The following MAST2 variants were observed in gnomAD, a reference collection of about 807,000 sequenced individuals.
The protein encoded by MAST2 is microtubule-associated serine/threonine-protein kinase 2.
Under a neutral mutation model 147.4 loss-of-function variants are expected in MAST2, and 70 were observed. The observed-to-expected ratio is 0.47, with a 90% confidence interval of 0.39 to 0.58. The LOEUF is 0.58. Among genes scored for constraint, MAST2 ranks in the 20% least tolerant of loss-of-function variants. MAST2 has a pLI of 0.00. For synonymous variants in MAST2, 869 were observed against 896.8 expected (o/e 0.97, Z 0.55); for missense variants, 2,080 against 2,302.3 (o/e 0.90, Z 1.98).
intron 5 of MAST2, among the ~76,000 whole-genome samples, chr1:45,970,994 G>A (rs1643894416): frequency 6.6e-6 from 1 of 151,984 alleles, no homozygotes; most frequent in Non-Finnish European, 1.5e-5. Context: ...CATCAGTCTA[G>A]GCCCAATCAG....
chr1:45,829,453 C>G lies in MAST2; in HGVS notation c.340C>G (p.Pro114Ala), dbSNP rs752883369. 12 of 1,611,288 alleles carry G rather than the reference C, an allele frequency of 7.4e-6. No individual in the cohort carries two copies. In the Admixed American group the frequency reaches 1.0e-4, roughly 14 times the overall value. Residue 114 changes from proline (P) to alanine (A), a missense_variant, in exon 3 of 29, where the codon CCT (proline) becomes GCT (alanine). Physicochemically the swap from Pro to Ala is conservative, Grantham distance 27 (BLOSUM62 -1). Coordinates refer to ENST00000361297, the MANE Select transcript of MAST2 (RefSeq NM_015112.3). ...ASSLSGKQLL[P>A]LSSSVHSSVG... Reference sequence around the variant, plus strand: ...TGTATTTGAAGGTAAGCAGCTGCTCCCTTTGTCCAGCAGTGTACATAGCAG... The same window carrying G: ...TGTATTTGAAGGTAAGCAGCTGCTCGCTTTGTCCAGCAGTGTACATAGCAG...
At chr1:45,914,876 G>A (rs1320890073) in intron 4 of MAST2, among the ~76,000 whole-genome samples, 1 of 152,142 alleles carries the variant, frequency 6.6e-6, no homozygotes, top group African/African-American at 2.4e-5. Context: ...AAGGTCACTT[G>A]TTAACAAAAT....
chr1:46,029,985 G>T (rs764048520), intron 20 of MAST2, 32 bp downstream of exon 20: 2 of 1,612,736 alleles, frequency 1.2e-6, no homozygotes, highest in Non-Finnish European at 1.7e-6. Context: ...GTGGAGGATG[G>T]GTCCTACCTG....
At chr1:45,975,620 C>T (rs1228095170) in intron 5 of MAST2, among the ~76,000 whole-genome samples, 13 of 149,416 alleles carry the variant, frequency 8.7e-5, no homozygotes, top group Admixed American at 4.7e-4. Context: ...TGCAGTAAGC[C>T]GCGGTCACGC....
chr1:45,904,658 A>AT (rs1650366130), intron 4 of MAST2, among the ~76,000 whole-genome samples: 1 of 149,568 alleles, frequency 6.7e-6, no homozygotes, highest in Admixed American at 6.7e-5. Context: ...TAAAGATGGG[A>AT]TTTTGCCATA....
rs369887811 is a variant in MAST2 at position 45,871,978 on chromosome 1, C to T, written c.469-10386C>T. ...CTCTGGGCTCAAGTGATCCTCCCAC[C>T]GTGGCCTCCCAAAGTGTTGGGATTA... On this transcript the variant is annotated intron_variant, in intron 3 of 28. Coordinates refer to ENST00000361297, the MANE Select transcript of MAST2 (RefSeq NM_015112.3). Among the ~76,000 whole-genome samples the T allele has an allele frequency of 3.9e-4, 59 of 152,320 alleles. 1 individual carries two copies. In the South Asian group the frequency reaches 0.011, roughly 29 times the overall value.
At chr1:45,972,804 C>G (rs1225648011) in intron 5 of MAST2, among the ~76,000 whole-genome samples, 1 of 152,186 alleles carries the variant, frequency 6.6e-6, no homozygotes, top group African/African-American at 2.4e-5. Context: ...TCAGCAAGAT[C>G]TGTCTCGTAA....
At chr1:45,909,296 C>T (rs1487844429) in intron 4 of MAST2, among the ~76,000 whole-genome samples, 1 of 152,038 alleles carries the variant, frequency 6.6e-6, no homozygotes, top group East Asian at 1.9e-4. Flanking sequence ...TCATTTAAGG[C>T]TTTATCATAG....
chr1:45,942,078 TCAGGGACC>T (rs1348768313), intron 4 of MAST2, among the ~76,000 whole-genome samples: 1 of 152,194 alleles, frequency 6.6e-6, no homozygotes, highest in Non-Finnish European at 1.5e-5. Context: ...TGAAAGAGTC[TCAGGGACC>T]CCAAGAGGTT....
At chr1:45,835,040 T>C (rs1436269208) in intron 3 of MAST2, among the ~76,000 whole-genome samples, 2 of 152,096 alleles carry the variant, frequency 1.3e-5, no homozygotes, top group Middle Eastern at 3.4e-3. Context: ...CTACTGGAAA[T>C]CTAAAAAGCC....
intron 4 of MAST2, among the ~76,000 whole-genome samples, chr1:45,909,020 A>C (rs1044795610): frequency 3.3e-5 from 5 of 152,214 alleles, no homozygotes; most frequent in Non-Finnish European, 7.3e-5. Context: ...GAAGTTTGCC[A>C]ATCTTTAGGT....
At chr1:45,890,265 G>A (rs756791215) in intron 4 of MAST2, among the ~76,000 whole-genome samples, 1 of 152,140 alleles carries the variant, frequency 6.6e-6, no homozygotes, top group Admixed American at 6.5e-5. Flanking sequence ...GCCTTTTCCC[G>A]TTGTGTAGTA....
At chr1:45,920,977 C>T (rs569449651) in intron 4 of MAST2, among the ~76,000 whole-genome samples, 21 of 152,230 alleles carry the variant, frequency 1.4e-4, no homozygotes, top group Admixed American at 1.2e-3. Context: ...GTATCTTACT[C>T]CAATGTCTGT....
At chr1:45,934,787 T>C (rs1655936418) in intron 4 of MAST2, among the ~76,000 whole-genome samples, 1 of 152,226 alleles carries the variant, frequency 6.6e-6, no homozygotes, top group Non-Finnish European at 1.5e-5. Context: ...ATATTTTCTT[T>C]ATTCAGTCCT....
At chr1:46,032,538 C>T (rs1276550868) in intron 25 of MAST2, 58 bp from the exon 26 acceptor site, 18 of 1,603,602 alleles carry the variant, frequency 1.1e-5, no homozygotes, top group East Asian at 1.1e-4. Flanking sequence ...TGTCCAGAAC[C>T]AGGCCCCATA....
chr1:45,987,973 T>C (rs1175599283), intron 5 of MAST2, among the ~76,000 whole-genome samples: 1 of 151,838 alleles, frequency 6.6e-6, no homozygotes, highest in Non-Finnish European at 1.5e-5. Flanking sequence ...TGTAGTGATA[T>C]AATTTTCCCC....
chr1:45,874,060 A>G lies in MAST2; in HGVS notation c.469-8304A>G, dbSNP rs572842704. Reference sequence around the variant, plus strand: ...GGTCTCGAACTCCTGAGCTCAAGCAATCCTCTCGCCTCGGCATCCCAAAGT... The same window carrying G: ...GGTCTCGAACTCCTGAGCTCAAGCAGTCCTCTCGCCTCGGCATCCCAAAGT... On this transcript the variant is annotated intron_variant, in intron 3 of 28. Coordinates refer to ENST00000361297, the MANE Select transcript of MAST2 (RefSeq NM_015112.3). 4.6e-5 allele frequency among the ~76,000 whole-genome samples: 7 copies of G among 152,222 alleles called. No homozygotes were observed. The East Asian group carries it at 5.8e-4, about 13-fold the overall frequency.
At chr1:45,836,876 A>G (rs1645118034) in intron 3 of MAST2, among the ~76,000 whole-genome samples, 1 of 152,160 alleles carries the variant, frequency 6.6e-6, no homozygotes, top group South Asian at 2.1e-4. Context: ...CATGGAAGAC[A>G]GTTTTTCCAC....
chr1:45,847,076 A>G (rs987190164), intron 3 of MAST2: 10 of 453,958 alleles, frequency 2.2e-5, no homozygotes, highest in African/African-American at 1.6e-4. Context: ...CTGTAGTTAT[A>G]ATAGTTTTCC....
Sources: gnomAD v4.1 joint callset for allele counts (sites outside exome capture counted in the v4.1 genomes callset) on GRCh38, gnomAD v4.1.1 for gene constraint, MANE v1.5 for transcripts, NCBI Gene and HGNC (gene_info 2026-07-23, HGNC 2026-07-21) for gene names.